The following LRRTM4 variants were observed in gnomAD, a reference collection of about 807,000 sequenced individuals.
The protein encoded by LRRTM4 is leucine rich repeat transmembrane neuronal 4.
Under a neutral mutation model 47.6 loss-of-function variants are expected in LRRTM4, and 25 were observed. The observed-to-expected ratio is 0.53, with a 90% CI of 0.38 to 0.73. The LOEUF is 0.73. Ranked by LOEUF, LRRTM4 falls within the 30% of genes least tolerant of loss-of-function variation. The pLI, the probability that LRRTM4 is intolerant of heterozygous loss-of-function variation, is 0.00. For missense variants in LRRTM4, 638 were observed against 713.4 expected (o/e 0.89, Z 1.20); for synonymous variants, 311 against 269.5 (o/e 1.15, Z -1.51).
intron 3 of LRRTM4, among the ~76,000 whole-genome samples, chr2:77,028,139 A>G (rs886940698): frequency 6.6e-6 from 1 of 152,166 alleles, no homozygotes; most frequent in African/African-American, 2.4e-5. Context: ...ATGGACAAAA[A>G]TTCAGTTGGA....
chr2:77,080,904 G>T (rs1680508853), intron 3 of LRRTM4, among the ~76,000 whole-genome samples: 1 of 151,982 alleles, frequency 6.6e-6, no homozygotes, highest in African/African-American at 2.4e-5. Flanking sequence ...ACCATGACAG[G>T]AAACACTCTC....
intron 3 of LRRTM4, among the ~76,000 whole-genome samples, chr2:77,174,081 G>T (rs556818681): frequency 6.6e-6 from 1 of 152,060 alleles, no homozygotes; most frequent in East Asian, 1.9e-4. Context: ...CCCTAACTCT[G>T]CCCTTGCCTG....
chr2:76,874,898 T>C (rs571655871), intron 3 of LRRTM4, among the ~76,000 whole-genome samples: 1 of 151,506 alleles, frequency 6.6e-6, no homozygotes, highest in East Asian at 1.9e-4. Flanking sequence ...GTTATAAAAT[T>C]TGAATATTCT....
chr2:77,272,767 T>C (rs1478531677), intron 3 of LRRTM4, among the ~76,000 whole-genome samples: 8 of 152,146 alleles, frequency 5.3e-5, no homozygotes, highest in African/African-American at 1.9e-4. Flanking sequence ...AAAAAGATCC[T>C]GGCACCACCC....
At chr2:76,879,114 G>GTATA (rs1394915954) in intron 3 of LRRTM4, among the ~76,000 whole-genome samples, 1 of 152,222 alleles carries the variant, frequency 6.6e-6, no homozygotes, top group Non-Finnish European at 1.5e-5. Context: ...AAGCACTGAT[G>GTATA]TATAACTCTG....
chr2:76,968,346 A>ATATATGTGTGTG (rs1276177757), intron 3 of LRRTM4, among the ~76,000 whole-genome samples: 9 of 80,044 alleles, frequency 1.1e-4, no homozygotes, highest in Admixed American at 9.2e-4. Flanking sequence ...GTGTGTATAT[A>ATATATGTGTGTG]TATATATATA....
At chr2:77,070,669 T>C (rs1164015942) in intron 3 of LRRTM4, among the ~76,000 whole-genome samples, 2 of 152,198 alleles carry the variant, frequency 1.3e-5, no homozygotes, top group African/African-American at 4.8e-5. Context: ...TTGCTCTTGT[T>C]GCCCAGGCTA....
In LRRTM4 at chr2:77,119,786, T is replaced by C. The variant is rs183085436; in HGVS notation, c.1552-370870A>G. Among the ~76,000 whole-genome samples the C allele has an allele frequency of 8.6e-5, 13 of 151,970 alleles. No individual in the cohort carries two copies. In the East Asian group the frequency reaches 2.1e-3, roughly 25 times the overall value. On this transcript the variant is annotated intron_variant, in intron 3 of 3. Coordinates refer to ENST00000409884, the MANE Select transcript of LRRTM4 (RefSeq NM_001134745.3). ...TTACATATATATCACTACATATCAC[T>C]ATTCTGGGTAACTTACTCCTCTCTT...
intron 3 of LRRTM4, among the ~76,000 whole-genome samples, chr2:76,874,741 A>G (rs1033219636): frequency 4.9e-4 from 75 of 151,984 alleles, no homozygotes; most frequent in African/African-American, 1.8e-3. Context: ...AAATTCCTAG[A>G]AATAGAATAG....
chr2:77,474,267 T>G (rs1192856179), intron 3 of LRRTM4, among the ~76,000 whole-genome samples: 1 of 152,084 alleles, frequency 6.6e-6, no homozygotes, highest in Non-Finnish European at 1.5e-5. Flanking sequence ...TAATGGCTGA[T>G]AGAAAAAAAC....
chr2:77,092,822 A>G (rs7424147), intron 3 of LRRTM4, among the ~76,000 whole-genome samples: 12,007 of 123,590 alleles, frequency 0.097, 805 homozygotes, highest in East Asian at 0.27. Flanking sequence ...GCAGTTTTTC[A>G]GGCTCTTAGT....
chr2:77,049,233 C>A (rs567932858), intron 3 of LRRTM4, among the ~76,000 whole-genome samples: 12 of 146,518 alleles, frequency 8.2e-5, no homozygotes, highest in Non-Finnish European at 1.5e-4. Context: ...CTTATCTCTG[C>A]TATTGTGAAT....
intron 3 of LRRTM4, among the ~76,000 whole-genome samples, chr2:76,986,479 T>C (rs1676799886): frequency 6.6e-6 from 1 of 151,926 alleles, no homozygotes; most frequent in Admixed American, 6.6e-5. Flanking sequence ...GGAGGTCTTC[T>C]CTTCTGCAAA....
chr2:77,418,561 A>G (rs1223836354), intron 3 of LRRTM4, among the ~76,000 whole-genome samples: 4 of 152,180 alleles, frequency 2.6e-5, no homozygotes, highest in African/African-American at 9.7e-5. Context: ...CTGTTTGCAG[A>G]GGAAAATACA....
At chr2:77,258,768 A>G (rs1675837872) in intron 3 of LRRTM4, among the ~76,000 whole-genome samples, 1 of 151,960 alleles carries the variant, frequency 6.6e-6, no homozygotes, top group African/African-American at 2.4e-5. Flanking sequence ...TAAAAAAAAA[A>G]TACAAGTTCC....
intron 3 of LRRTM4, among the ~76,000 whole-genome samples, chr2:77,467,354 C>A (rs1366182024): frequency 1.3e-5 from 2 of 152,214 alleles, no homozygotes; most frequent in African/African-American, 4.8e-5. Context: ...CTCTGTCATG[C>A]AGGACTCAGA....
At chr2:77,339,935 G>T (rs1411387465) in intron 3 of LRRTM4, among the ~76,000 whole-genome samples, 1 of 151,924 alleles carries the variant, frequency 6.6e-6, no homozygotes, top group Non-Finnish European at 1.5e-5. Flanking sequence ...GTTGACAACT[G>T]AGACCAAGAA....
At chr2:77,363,964 A>G (rs540689735) in intron 3 of LRRTM4, among the ~76,000 whole-genome samples, 1 of 152,268 alleles carries the variant, frequency 6.6e-6, no homozygotes, top group South Asian at 2.1e-4. Flanking sequence ...ATAATTCCCC[A>G]TATGATTGAC....
intron 3 of LRRTM4, among the ~76,000 whole-genome samples, chr2:77,485,767 A>G (rs1293033129): frequency 1.3e-5 from 2 of 152,164 alleles, no homozygotes; most frequent in Non-Finnish European, 1.5e-5. Context: ...TCTCACTCCC[A>G]TTATTCAGGC....
Sources: gnomAD v4.1 joint callset for allele counts (sites outside exome capture counted in the v4.1 genomes callset) on GRCh38, gnomAD v4.1.1 for gene constraint, MANE v1.5 for transcripts, NCBI Gene and HGNC (gene_info 2026-07-23, HGNC 2026-07-21) for gene names.